The following HHIPL1 variants were observed in gnomAD, a reference collection of about 807,000 sequenced individuals.
HHIPL1 encodes the protein HHIP-like protein 1.
A neutral mutation model predicts 61.8 loss-of-function variants in HHIPL1; 43 were observed. The ratio of observed to expected loss-of-function variants is 0.70; its 90% CI spans 0.55 to 0.90. The LOEUF is 0.90. HHIPL1 is among the 40% of genes least tolerant of loss of function. The pLI is 0.00. For synonymous variants in HHIPL1, 482 were observed against 515.8 expected, an observed-to-expected ratio of 0.93 and a Z score of 0.89; for missense variants, 1,056 against 1,157.7, an observed-to-expected ratio of 0.91 and a Z score of 1.28.
At chr14:99,667,819 C>A (rs753358003) in intron 6 of HHIPL1, among the ~76,000 whole-genome samples, 1 of 152,216 alleles carries the variant, frequency 6.6e-6, no homozygotes, top group Non-Finnish European at 1.5e-5. Context: ...GCCACATGTG[C>A]CTGCGGGTCC....
the HHIPL1 span, among the ~76,000 whole-genome samples, chr14:99,637,000 G>A: frequency 6.5e-5 from 5 of 76,980 alleles, no homozygotes; most frequent in Non-Finnish European, 9.5e-5. Flanking sequence ...AAGAAAGAAA[G>A]AAGAAAGAAA....
chr14:99,671,776 T>C (rs1318449512), intron 7 of HHIPL1, among the ~76,000 whole-genome samples: 1 of 152,128 alleles, frequency 6.6e-6, no homozygotes, highest in East Asian at 1.9e-4. Flanking sequence ...CAGCTCTGCC[T>C]CCAGGCACAA....
the HHIPL1 span, among the ~76,000 whole-genome samples, chr14:99,633,102 G>T: frequency 6.6e-6 from 1 of 152,094 alleles, no homozygotes; most frequent in Non-Finnish European, 1.5e-5. Context: ...ACAGGAAGGC[G>T]AGAAGCCCAG....
upstream of HHIPL1, among the ~76,000 whole-genome samples, chr14:99,640,419 G>A (rs1275258453): frequency 2.0e-5 from 3 of 151,980 alleles, no homozygotes; most frequent in African/African-American, 7.3e-5. Flanking sequence ...CAAGTAGCTG[G>A]GACTACAGTT....
chr14:99,624,047 A>G, the HHIPL1 span, among the ~76,000 whole-genome samples: 1 of 152,216 alleles, frequency 6.6e-6, no homozygotes, highest in Non-Finnish European at 1.5e-5. Context: ...ATTGCCTTTG[A>G]GCCCACAAGG....
At chr14:99,617,192 C>T in the HHIPL1 span, among the ~76,000 whole-genome samples, 4 of 152,320 alleles carry the variant, frequency 2.6e-5, no homozygotes, top group Non-Finnish European at 5.9e-5. Context: ...AATGCATTCA[C>T]TCCATGGCAC....
intron 2 of HHIPL1, 21 bp from the exon 3 acceptor site, chr14:99,656,979 G>T: frequency 6.4e-7 from 1 of 1,572,402 alleles, no homozygotes; most frequent in Non-Finnish European, 8.6e-7. Context: ...CTGAGTTTTA[G>T]GGGCCCTTAT....
At chr14:99,667,997 G>A (rs975580867) in intron 6 of HHIPL1, among the ~76,000 whole-genome samples, 6 of 152,294 alleles carry the variant, frequency 3.9e-5, no homozygotes, top group South Asian at 2.1e-4. Flanking sequence ...CCTGACACCC[G>A]GAAGACCAGG....
Position 99,659,502 on chromosome 14 carries a change from C to A in HHIPL1, c.1121C>A (p.Pro374His). The A allele has an allele frequency of 6.5e-7, 1 of 1,541,138 alleles. No individual in the cohort carries two copies. The highest frequency in any genetic ancestry group is 8.7e-7 in the Non-Finnish European group (1 of 1,148,056). The change falls in exon 4 of 9, where the codon CCC (proline) becomes CAC (histidine). Residue 374 changes from proline to histidine, a missense_variant. Transcript: ENST00000330710. ...KERGLPYGIP[P>H]DNPFVGDPAA... Reference sequence around the variant, plus strand: ...CGCGGCCTGCCCTACGGCATCCCGCCCGACAACCCGTTCGTGGGCGACCCC... The same window carrying A: ...CGCGGCCTGCCCTACGGCATCCCGCACGACAACCCGTTCGTGGGCGACCCC...
At chr14:99,671,508 TG>T (rs1310188495) in intron 7 of HHIPL1, among the ~76,000 whole-genome samples, 48 of 152,330 alleles carry the variant, frequency 3.2e-4, no homozygotes, top group African/African-American at 1.0e-3. Flanking sequence ...GGCCACTCCG[TG>T]TCACGTGGCT....
chr14:99,624,259 T>C, the HHIPL1 span, among the ~76,000 whole-genome samples: 1 of 151,932 alleles, frequency 6.6e-6, no homozygotes, highest in Non-Finnish European at 1.5e-5. Context: ...TAAAGCAGAG[T>C]TTGGGGGCAC....
the HHIPL1 span, among the ~76,000 whole-genome samples, chr14:99,617,108 C>T: frequency 6.6e-6 from 1 of 152,146 alleles, no homozygotes; most frequent in African/African-American, 2.4e-5. Flanking sequence ...CATTTGACAA[C>T]ACTAGCACTA....
At chr14:99,666,042 A>G (rs752267617) in intron 6 of HHIPL1, among the ~76,000 whole-genome samples, 35 of 152,202 alleles carry the variant, frequency 2.3e-4, no homozygotes, top group Non-Finnish European at 4.7e-4. Context: ...TTGGCCTTCC[A>G]AAGTGCTGGG....
the HHIPL1 span, among the ~76,000 whole-genome samples, chr14:99,614,716 C>T: frequency 3.3e-5 from 5 of 152,296 alleles, no homozygotes; most frequent in South Asian, 4.1e-4. Context: ...CTTTCTCTAA[C>T]GTTATCCAGA....
chr14:99,654,188 C>CAAAAAAAAAAAAAAA (rs754501639), intron 2 of HHIPL1, among the ~76,000 whole-genome samples: 2 of 89,948 alleles, frequency 2.2e-5, no homozygotes, highest in Non-Finnish European at 4.0e-5. Flanking sequence ...GACTCTGTCT[C>CAAAAAAAAAAAAAAA]AAAAAAAAAA....
At chr14:99,630,264 C>T in the HHIPL1 span, among the ~76,000 whole-genome samples, 28 of 152,242 alleles carry the variant, frequency 1.8e-4, no homozygotes, top group Non-Finnish European at 1.6e-4. Context: ...TGCCCCATCG[C>T]ACACCGGGCA....
chr14:99,652,181 A>G, intron 1 of HHIPL1, 43 bp from the exon 2 acceptor site: 2 of 1,534,362 alleles, frequency 1.3e-6, no homozygotes, highest in Non-Finnish European at 1.8e-6. Flanking sequence ...TGGGCTGGTA[A>G]GCACCTCCAC....
At chr14:99,607,543 G>A in the HHIPL1 span, among the ~76,000 whole-genome samples, 2 of 152,232 alleles carry the variant, frequency 1.3e-5, no homozygotes, top group South Asian at 2.1e-4. Context: ...GAACCGGTAC[G>A]CTAACACACG....
In HHIPL1 at chr14:99,659,708, G is replaced by C; in HGVS notation, c.1327G>C (p.Glu443Gln). Residue 443 changes from glutamate to glutamine, a missense_variant, in exon 4 of 9, where the codon GAA (glutamate) becomes CAA (glutamine). By Grantham distance (29) the Glu-to-Gln change is conservative (BLOSUM62 2). Transcript: ENST00000330710. ...RGGNYGWRAR[E>Q]GFECYDRSLC... Reference sequence around the variant, plus strand: ...CGGCAACTATGGCTGGCGCGCGCGCGAAGGGTTCGAGTGCTACGACCGCAG... The same window carrying C: ...CGGCAACTATGGCTGGCGCGCGCGCCAAGGGTTCGAGTGCTACGACCGCAG... 6.7e-7 allele frequency: 1 copy of C among 1,489,254 alleles called. No homozygotes were observed. The allele number at this position is 1,489,254 out of a possible 1,614,324, so 92.3% of individuals were successfully genotyped here.
Sources: gnomAD v4.1 joint callset for allele counts (sites outside exome capture counted in the v4.1 genomes callset) on GRCh38, gnomAD v4.1.1 for gene constraint, MANE v1.5 for transcripts, NCBI Gene and HGNC (gene_info 2026-07-23, HGNC 2026-07-21) for gene names.